The following EPHA6 variants were observed in gnomAD, a reference collection of about 807,000 sequenced individuals.
EPHA6 encodes the protein EPH receptor A6, also known as ephrin type-A receptor 6.
In EPHA6, 50 loss-of-function variants were observed where a neutral mutation model predicts 112.0. The ratio of observed to expected loss-of-function variants is 0.45; its 90% CI spans 0.36 to 0.56. The LOEUF (loss-of-function observed/expected upper bound fraction) is 0.56. Among genes scored for constraint, EPHA6 ranks in the 20% least tolerant of loss-of-function variants. The pLI is 0.00. For synonymous variants in EPHA6, 529 were observed against 490.7 expected (o/e 1.08, Z -1.03); for missense variants, 1,280 against 1,417.4 (o/e 0.90, Z 1.56).
intron 2 of EPHA6, among the ~76,000 whole-genome samples, chr3:96,960,853 C>A (rs1268516897): frequency 6.6e-6 from 1 of 152,090 alleles, no homozygotes; most frequent in African/African-American, 2.4e-5. Flanking sequence ...AATTCTGAGT[C>A]ATAGGTGAAT....
At chr3:97,677,808 A>G (rs922603394) in intron 14 of EPHA6, among the ~76,000 whole-genome samples, 2 of 151,962 alleles carry the variant, frequency 1.3e-5, no homozygotes, top group Non-Finnish European at 2.9e-5. Flanking sequence ...CAGTTTGGTA[A>G]TGACAAGGTC....
intron 14 of EPHA6, among the ~76,000 whole-genome samples, chr3:97,667,491 G>T (rs921018916): frequency 2.0e-5 from 3 of 152,224 alleles, no homozygotes; most frequent in East Asian, 1.9e-4. Context: ...AAGGGTGTTT[G>T]GTTCCACATT....
In EPHA6 at chr3:97,328,075, A is replaced by ATATATATG. The variant is rs1451840006; in HGVS notation, c.1607-77071_1607-77070insTATGTATA. Among the ~76,000 whole-genome samples the ATATATATG allele has an allele frequency of 2.7e-5, 4 of 146,214 alleles. 1 individual carries two copies. Among genetic ancestry groups the ATATATATG allele is most frequent in the African/African-American group, 1.0e-4 (4 of 39,854 alleles). ...TACACATATATATATATATATATAT[A>ATATATATG]TATAACCTGTTTTGTATAATCATTC... On this transcript the variant is annotated intron_variant, in intron 5 of 17. Coordinates refer to ENST00000389672, the MANE Select transcript of EPHA6 (RefSeq NM_001080448.3).
At chr3:97,288,457 A>G (rs1026672947) in intron 5 of EPHA6, among the ~76,000 whole-genome samples, 4 of 152,146 alleles carry the variant, frequency 2.6e-5, no homozygotes, top group African/African-American at 9.7e-5. Flanking sequence ...TTACATATAC[A>G]TCACATTTTT....
At chr3:96,931,296 C>G (rs2107657014) in intron 2 of EPHA6, among the ~76,000 whole-genome samples, 1 of 152,116 alleles carries the variant, frequency 6.6e-6, no homozygotes, top group East Asian at 1.9e-4. Context: ...TAAGAAGCAG[C>G]TGCCATCTGG....
In EPHA6 at chr3:97,370,957, C is replaced by T. The variant is rs557299151; in HGVS notation, c.1607-34193C>T. Among the ~76,000 whole-genome samples, 3 of 152,228 alleles carry T rather than the reference C, an allele frequency of 2.0e-5. No homozygotes were observed. The East Asian group carries it at 5.8e-4, about 29-fold the overall frequency. ...CTGGCTCCAGTCTATTATCAATCTT[C>T]TGACTTATTTCTTCTCTTGAGTACT... On this transcript the variant is annotated intron_variant, in intron 5 of 17. Transcript: ENST00000389672.
At chr3:97,449,565 T>G (rs7431339) in intron 7 of EPHA6, among the ~76,000 whole-genome samples, 18,798 of 152,046 alleles carry the variant, frequency 0.12, 3,731 homozygotes, top group African/African-American at 0.41. Context: ...AAAATGACAT[T>G]AAATATTTTA....
At chr3:97,438,266 T>G (rs1000064644) in intron 6 of EPHA6, among the ~76,000 whole-genome samples, 1 of 152,148 alleles carries the variant, frequency 6.6e-6, no homozygotes, top group Admixed American at 6.6e-5. Context: ...GAATATGTAT[T>G]AAAAGATATT....
At chr3:97,525,035 A>G (rs1381160515) in intron 10 of EPHA6, among the ~76,000 whole-genome samples, 1 of 152,102 alleles carries the variant, frequency 6.6e-6, no homozygotes, top group Non-Finnish European at 1.5e-5. Context: ...CTGTATGTTC[A>G]TATCCCTCCC....
chr3:97,050,534 T>C (rs1457937418), intron 3 of EPHA6, among the ~76,000 whole-genome samples: 11 of 152,170 alleles, frequency 7.2e-5, no homozygotes, highest in Non-Finnish European at 1.5e-4. Flanking sequence ...TGTGTTGCTT[T>C]GAGAGCATTA....
intron 2 of EPHA6, among the ~76,000 whole-genome samples, chr3:96,901,944 G>A (rs2038636699): frequency 6.6e-6 from 1 of 152,100 alleles, no homozygotes; most frequent in African/African-American, 2.4e-5. Flanking sequence ...TTTTCCTGAA[G>A]GTACTTTTTA....
chr3:97,512,484 C>G (rs1326551769), intron 10 of EPHA6, among the ~76,000 whole-genome samples: 1 of 151,990 alleles, frequency 6.6e-6, no homozygotes, highest in Non-Finnish European at 1.5e-5. Context: ...TTTTTTAAAG[C>G]ATTTTGAACA....
intron 6 of EPHA6, among the ~76,000 whole-genome samples, chr3:97,410,236 C>A (rs2087626844): frequency 6.6e-6 from 1 of 152,014 alleles, no homozygotes; most frequent in Non-Finnish European, 1.5e-5. Context: ...CAGATAACAA[C>A]CTAATAATTA....
intron 1 of EPHA6, among the ~76,000 whole-genome samples, chr3:96,822,516 A>G (rs1282300121): frequency 3.3e-5 from 5 of 151,782 alleles, no homozygotes; most frequent in Non-Finnish European, 7.4e-5. Context: ...CTGCTATTTT[A>G]CTTCGTAACT....
rs533427968 is a variant in EPHA6, at chr3:97,208,641, G to T, written c.1115-17623G>T. On this transcript the variant is annotated intron_variant, in intron 3 of 17. Transcript: ENST00000389672. ...GCATGCCTGTAGCCCCAGTTACTTG[G>T]CAGGCTGAGGCACAAGACTTGCTTG... 3.1e-4 allele frequency among the ~76,000 whole-genome samples: 47 copies of T among 152,156 alleles called. No homozygotes were observed. The South Asian group carries it at 8.9e-3, about 29-fold the overall frequency.
intron 3 of EPHA6, among the ~76,000 whole-genome samples, chr3:97,184,279 T>C (rs1271811357): frequency 6.6e-6 from 1 of 152,110 alleles, no homozygotes; most frequent in Non-Finnish European, 1.5e-5. Context: ...ATCAACAGTT[T>C]TCATGGTTCA....
intron 5 of EPHA6, among the ~76,000 whole-genome samples, chr3:97,402,802 C>G (rs1559961842): frequency 6.6e-6 from 1 of 152,084 alleles, no homozygotes; most frequent in Non-Finnish European, 1.5e-5. Flanking sequence ...AATGTAGTTT[C>G]TAAAGACCTT....
At chr3:96,881,636 C>G (rs1207250638) in intron 2 of EPHA6, among the ~76,000 whole-genome samples, 1 of 152,138 alleles carries the variant, frequency 6.6e-6, no homozygotes, top group African/African-American at 2.4e-5. Flanking sequence ...ACTTCAAAAC[C>G]AATCATGCCT....
At chr3:97,253,629 A>T (rs1006035560) in intron 5 of EPHA6, among the ~76,000 whole-genome samples, 1 of 152,150 alleles carries the variant, frequency 6.6e-6, no homozygotes, top group Non-Finnish European at 1.5e-5. Context: ...TATTATTCCA[A>T]GGATGATAGA....
Sources: gnomAD v4.1 joint callset for allele counts (sites outside exome capture counted in the v4.1 genomes callset) on GRCh38, gnomAD v4.1.1 for gene constraint, MANE v1.5 for transcripts, NCBI Gene and HGNC (gene_info 2026-07-23, HGNC 2026-07-21) for gene names.